ROS1: variants seen among roughly 807,000 people sequenced by gnomAD.
ROS1 encodes the protein ROS proto-oncogene 1, receptor tyrosine kinase, also known as proto-oncogene tyrosine-protein kinase ROS.
A neutral mutation model predicts 273.5 loss-of-function variants in ROS1; 263 were observed. The ratio of observed to expected loss-of-function variants is 0.96; its 90% CI spans 0.87 to 1.06. The LOEUF (loss-of-function observed/expected upper bound fraction) is 1.06. Ranked by LOEUF, ROS1 falls within the 50% of genes least tolerant of loss-of-function variation. The pLI, the probability that ROS1 is intolerant of heterozygous loss-of-function variation, is 0.00. For missense variants in ROS1, 2,833 were observed against 2,751.1 expected (o/e 1.03, Z -0.67); for synonymous variants, 1,008 against 954.1 (o/e 1.06, Z -1.04).
chr6:117,419,798 T>C (rs1775614582), intron 1 of ROS1, among the ~76,000 whole-genome samples: 2 of 152,198 alleles, frequency 1.3e-5, no homozygotes, highest in African/African-American at 4.8e-5. Flanking sequence ...ATGATCATAG[T>C]CACACTGTAA....
intron 19 of ROS1, 21 bp downstream of exon 19, chr6:117,366,055 A>G: frequency 4.5e-6 from 7 of 1,557,264 alleles, no homozygotes; most frequent in Non-Finnish European, 6.2e-6. Flanking sequence ...GAGTAGGGTA[A>G]GCAGGAATGA....
rs778659970 is a variant in ROS1 at position 117,359,892 on chromosome 6, A to T, written c.3550T>A (p.Tyr1184Asn). ...TATCCCATCTCATTATCAGCTGTGT[A>T]GCAAACGGCACTGATAACTCTTTCT... ...SAERVISAVC[Y>N]TADNEMGYYA... Residue 1184 changes from tyrosine to asparagine, a missense_variant, in exon 24 of 44, where the codon TAC becomes AAC. Coordinates refer to ENST00000368507, the MANE Select transcript of ROS1 (RefSeq NM_001378902.1). 1 of 1,613,818 alleles carries T rather than the reference A, an allele frequency of 6.2e-7. No individual in the cohort carries two copies.
At chr6:117,339,983 G>A (rs1164712632) in intron 31 of ROS1, among the ~76,000 whole-genome samples, 1 of 152,102 alleles carries the variant, frequency 6.6e-6, no homozygotes, top group Non-Finnish European at 1.5e-5. Flanking sequence ...AGAGGCTAGG[G>A]TGTCAATTAT....
rs774522126 is a variant in ROS1 at position 117,288,601 on chromosome 6, T to C, written c.6917A>G (p.Asp2306Gly). 2 of 1,614,196 alleles carry C rather than the reference T, an allele frequency of 1.2e-6. No homozygotes were observed. The highest frequency in any genetic ancestry group is 1.7e-6 in the Non-Finnish European group (2 of 1,180,028). Residue 2306 changes from aspartate (D) to glycine (G), a missense_variant, in exon 44 of 44, where the codon GAC becomes GGC. Coordinates refer to ENST00000368507, the MANE Select transcript of ROS1 (RefSeq NM_001378902.1). Reference sequence around the variant, plus strand: ...TTGTTTTTCTTGGCAGAAATCTTTGTCTGCATGTGGTTCCTTCTCTTCTTT... The same window carrying C: ...TTGTTTTTCTTGGCAGAAATCTTTGCCTGCATGTGGTTCCTTCTCTTCTTT... ...LRKEEKEPHA[D>G]KDFCQEKQVA...
chr6:117,341,753 C>T (rs1777946445), intron 29 of ROS1, 121 bp from the exon 30 acceptor site: 11 of 706,344 alleles, frequency 1.6e-5, no homozygotes, highest in Admixed American at 2.8e-5. Context: ...AACACATGTC[C>T]AGAAAGAAAG....
At chr6:117,409,106 C>T (rs1049830143) in intron 5 of ROS1, among the ~76,000 whole-genome samples, 1 of 151,722 alleles carries the variant, frequency 6.6e-6, no homozygotes, top group South Asian at 2.1e-4. Context: ...GGAGATACAC[C>T]TAATGTTAAA....
chr6:117,325,218 G>C (rs1180632073), intron 34 of ROS1, among the ~76,000 whole-genome samples: 1 of 152,056 alleles, frequency 6.6e-6, no homozygotes, highest in East Asian at 1.9e-4. Context: ...ATTTGACTAA[G>C]GAGCATCAGG....
chr6:117,375,836 C>A (rs1055761600), intron 18 of ROS1, among the ~76,000 whole-genome samples: 8 of 151,860 alleles, frequency 5.3e-5, no homozygotes, highest in Admixed American at 3.3e-4. Flanking sequence ...AATACATTAA[C>A]CAAAAAGAAC....
At chr6:117,418,055 G>A in intron 2 of ROS1, among the ~76,000 whole-genome samples, 1 of 152,164 alleles carries the variant, frequency 6.6e-6, no homozygotes, top group Non-Finnish European at 1.5e-5. Context: ...CTGGCACAGT[G>A]CCTTGTGCAT....
chr6:117,393,491 A>G, intron 11 of ROS1, among the ~76,000 whole-genome samples, 170 bp from the exon 12 acceptor site: 1 of 152,168 alleles, frequency 6.6e-6, no homozygotes, highest in Non-Finnish European at 1.5e-5. Context: ...TATATCCTAT[A>G]TCCTAATGAA....
intron 12 of ROS1, among the ~76,000 whole-genome samples, chr6:117,392,175 T>A (rs1773121420): frequency 6.6e-6 from 1 of 152,200 alleles, no homozygotes; most frequent in African/African-American, 2.4e-5. Context: ...ATCCTTGTCC[T>A]ACATCACAAA....
chr6:117,362,536 A>G (rs1779888071), intron 22 of ROS1, 67 bp downstream of exon 22: 7 of 1,449,706 alleles, frequency 4.8e-6, no homozygotes, highest in African/African-American at 1.4e-5. Flanking sequence ...TCCCAGAAAC[A>G]TAGTCTTTCC....
At chr6:117,351,204 G>A (rs1466319819) in intron 27 of ROS1, among the ~76,000 whole-genome samples, 3 of 152,160 alleles carry the variant, frequency 2.0e-5, no homozygotes, top group Middle Eastern at 3.4e-3. Flanking sequence ...TTTGCTTTTC[G>A]ACTGTGAACT....
At chr6:117,380,867 T>C (rs953936308) in intron 17 of ROS1, among the ~76,000 whole-genome samples, 3 of 152,148 alleles carry the variant, frequency 2.0e-5, no homozygotes, top group Admixed American at 6.6e-5. Flanking sequence ...CTTTTTACCT[T>C]AGAAGAATCT....
At chr6:117,380,486 A>G (rs1772036371) in intron 17 of ROS1, among the ~76,000 whole-genome samples, 1 of 147,910 alleles carries the variant, frequency 6.8e-6, no homozygotes, top group Non-Finnish European at 1.5e-5. Context: ...CCATGCTGAG[A>G]GAGATCTATT....
rs373585503 is a variant in ROS1, at chr6:117,351,232, TC to T, written c.4303+1757del. The stretch of plus-strand genomic sequence containing the variant: ...TGTGAACTTCACAGGTTCTTTTCAG[TC>T]CCCCCACCCCACTTAGGTGGGACAC... On this transcript the variant is annotated intron_variant, in intron 27 of 43. Transcript: ENST00000368507. 2.6e-3 allele frequency among the ~76,000 whole-genome samples: 394 copies of T among 152,168 alleles called. 7 individuals are homozygous for T. In the South Asian group the frequency reaches 0.046, roughly 18 times the overall value.
intron 31 of ROS1, 22 bp from the exon 32 acceptor site, chr6:117,337,362 A>G (rs1346116697): frequency 1.9e-6 from 3 of 1,570,144 alleles, no homozygotes; most frequent in Non-Finnish European, 2.6e-6. Context: ...AGTCTCGATT[A>G]ATATTTTTGT....
At chr6:117,396,141 T>A in intron 9 of ROS1, 47 bp downstream of exon 9, 1 of 1,497,556 alleles carries the variant, frequency 6.7e-7, no homozygotes, top group Non-Finnish European at 9.3e-7. Flanking sequence ...AAACCACCCT[T>A]GCCACCCTCA....
rs779640008 is a variant in ROS1, at chr6:117,387,971, C to T, written c.1808G>A (p.Trp603Ter). 2 of 1,614,034 alleles carry T rather than the reference C, an allele frequency of 1.2e-6. No individual in the cohort carries two copies. The highest frequency in any genetic ancestry group is 3.3e-5 in the Admixed American group (2 of 60,024). ...IGASPSAWQN[W>*]TYEVKVSTQD... ...GGTGGATACTTTCACCTCATAGGTCCAGTTCTGCCAGGCAGAAGGGCCTAA... is the reference window on the plus strand; with the variant it reads ...GGTGGATACTTTCACCTCATAGGTCTAGTTCTGCCAGGCAGAAGGGCCTAA... Residue 603 changes from tryptophan (W) to a stop codon, truncating the protein, a stop_gained, in exon 14 of 44, where the codon TGG (tryptophan) becomes TAG (stop). Transcript: ENST00000368507. LOFTEE classifies it high-confidence loss of function.
Sources: allele counts gnomAD v4.1 joint callset (sites outside exome capture counted in the v4.1 genomes callset), GRCh38; gene constraint gnomAD v4.1.1; transcripts MANE v1.5; gene names NCBI Gene and HGNC (gene_info 2026-07-23, HGNC 2026-07-21).